TMEM184B: variants seen among roughly 807,000 people sequenced by gnomAD.
TMEM184B encodes the protein transmembrane protein 184B, also known as putative MAPK-activating protein FM08.
TMEM184B carries 17 observed loss-of-function variants against 41.8 expected under a neutral mutation model. That is an observed-to-expected ratio of 0.41 (90% confidence interval 0.28 to 0.61). TMEM184B has a LOEUF of 0.61. Among genes scored for constraint, TMEM184B ranks in the 20% least tolerant of loss-of-function variants. The pLI is 0.34. For synonymous variants in TMEM184B, 240 were observed against 229.5 expected (o/e 1.05, Z -0.41); for missense variants, 393 against 557.8 (o/e 0.70, Z 2.98).
At chr22:38,255,519 A>C (rs1402800103) in intron 1 of TMEM184B, among the ~76,000 whole-genome samples, 1 of 152,236 alleles carries the variant, frequency 6.6e-6, no homozygotes, top group Non-Finnish European at 1.5e-5. Context: ...ACAACCCAGT[A>C]ATCACTGTGG....
At chr22:38,249,955 G>A (rs1004987777) in intron 1 of TMEM184B, among the ~76,000 whole-genome samples, 3 of 152,380 alleles carry the variant, frequency 2.0e-5, no homozygotes, top group African/African-American at 7.2e-5. Context: ...ACTGAGGAAA[G>A]AGCCTGGCTG....
chr22:38,258,185 G>C (rs1337351288), intron 1 of TMEM184B, among the ~76,000 whole-genome samples: 2 of 152,190 alleles, frequency 1.3e-5, no homozygotes, highest in Non-Finnish European at 2.9e-5. Flanking sequence ...AGCTGGGCCT[G>C]AGGCAGGTGA....
Position 38,272,875 on chromosome 22 carries a change from G to A in TMEM184B, c.-59+9C>T, listed in dbSNP as rs1351964725. On this transcript the variant is annotated intron_variant, in intron 1 of 8. Transcript: ENST00000361906. ...GGGGCTCCCGGGCGAGGCCGGCCAG[G>A]CGGGATACCTCAGGAGCCCATGGCG... is the stretch of plus-strand genomic sequence containing the variant. The A allele has an allele frequency of 1.1e-6, 1 of 902,742 alleles. No individual in the cohort carries two copies. The highest frequency in any genetic ancestry group is 5.1e-5 in the South Asian group (1 of 19,606). 55.9% of individuals were successfully genotyped at this position (902,742 alleles called of 1,614,324 possible).
rs2091458329 is a variant in TMEM184B, at chr22:38,226,931, C to G, written c.526-61G>C. On this transcript the variant is annotated intron_variant, in intron 5 of 8. Transcript: ENST00000361906. This position sits in a 1 kb window ranked among gnomAD's most constrained non-coding sequence, Gnocchi z 4.6. The stretch of plus-strand genomic sequence containing the variant: ...GAGCACAGAAGGCATGAAGCAAGCC[C>G]TGCCTCTGGCAGACGGAACTGTACC... 1.3e-6 allele frequency: 2 copies of G among 1,502,660 alleles called. No individual in the cohort carries two copies. The allele number at this position is 1,502,660 out of a possible 1,614,324, so 93.1% of individuals were successfully genotyped here.
chr22:38,265,403 C>A (rs983618725), intron 1 of TMEM184B, among the ~76,000 whole-genome samples: 1 of 152,162 alleles, frequency 6.6e-6, no homozygotes, highest in Non-Finnish European at 1.5e-5. Flanking sequence ...ATCCAATACA[C>A]TGGCCTTCCC....
At chr22:38,222,576 G>A (rs765402363) in intron 8 of TMEM184B, 30 of 984,040 alleles carry the variant, frequency 3.0e-5, no homozygotes, top group African/African-American at 3.5e-5. Flanking sequence ...ACAGAGAGAC[G>A]CATGCCAGTG....
chr22:38,252,435 G>A (rs148958897), intron 1 of TMEM184B, among the ~76,000 whole-genome samples: 312 of 152,340 alleles, frequency 2.0e-3, no homozygotes, highest in African/African-American at 7.1e-3. Context: ...GGAAGATGCT[G>A]AAATCATCTT....
At chr22:38,253,235 C>T (rs996051218) in intron 1 of TMEM184B, among the ~76,000 whole-genome samples, 8 of 152,174 alleles carry the variant, frequency 5.3e-5, no homozygotes, top group African/African-American at 1.4e-4. Context: ...GCTACACATT[C>T]GAGGCTAACC....
chr22:38,271,285 G>C (rs1302191057), intron 1 of TMEM184B, among the ~76,000 whole-genome samples: 1 of 152,194 alleles, frequency 6.6e-6, no homozygotes, highest in Admixed American at 6.5e-5. Flanking sequence ...CTGGCACATA[G>C]TAGATGCTCA....
Position 38,231,255 on chromosome 22 carries a change from T to C in TMEM184B, c.438A>G (p.Gly146=). Residue 146 remains glycine (G), a synonymous_variant, in exon 4 of 9, where the codon GGA becomes GGG. Transcript: ENST00000361906. ...GESSIMSEIR[G]KPIESSCMYG... The stretch of plus-strand genomic sequence containing the variant: ...GACTCCATACTCACTCAATGGGTTT[T>C]CCTCTGATCTCCGACATGATGGAAC... The C allele has an allele frequency of 6.2e-7, 1 of 1,614,100 alleles. No individual in the cohort carries two copies.
chr22:38,246,615 TC>T (rs1020031226), intron 2 of TMEM184B: 4 of 318,758 alleles, frequency 1.3e-5, no homozygotes, highest in African/African-American at 6.6e-5. Flanking sequence ...TGGACACACT[TC>T]CTGGCCGAGT....
Position 38,219,590 on chromosome 22 carries a change from G to A in TMEM184B, c.*1879C>T, listed in dbSNP as rs1424905266. ...GGAGGAGGAGGGGATGGAGCGGTCG[G>A]GCACATGTTCCCGTCCCCACGACCC... On this transcript the variant is annotated 3_prime_UTR_variant, in exon 9 of 9. Coordinates refer to ENST00000361906, the MANE Select transcript of TMEM184B (RefSeq NM_012264.5). The A allele has an allele frequency of 5.1e-6, 5 of 985,182 alleles. No individual in the cohort carries two copies. The highest frequency in any genetic ancestry group is 6.0e-6 in the Non-Finnish European group (5 of 829,904). 61.0% of individuals were successfully genotyped at this position (985,182 alleles called of 1,614,324 possible).
intron 1 of TMEM184B, among the ~76,000 whole-genome samples, chr22:38,260,530 A>T (rs939686161): frequency 6.6e-6 from 1 of 152,074 alleles, no homozygotes; most frequent in South Asian, 2.1e-4. Context: ...GAGCCTGACC[A>T]CCTAGACCTG....
intron 1 of TMEM184B, among the ~76,000 whole-genome samples, chr22:38,269,220 G>C (rs2145794561): frequency 6.6e-6 from 1 of 152,294 alleles, no homozygotes; most frequent in East Asian, 1.9e-4. Flanking sequence ...CGTGCTCCTA[G>C]TGACCATTTC....
chr22:38,264,937 A>C (rs1211327276), intron 1 of TMEM184B, among the ~76,000 whole-genome samples: 1 of 152,252 alleles, frequency 6.6e-6, no homozygotes, highest in Non-Finnish European at 1.5e-5. Context: ...AATCATACTT[A>C]CATGCTCTGA....
At chr22:38,268,556 G>T (rs5750575) in intron 1 of TMEM184B, among the ~76,000 whole-genome samples, 2 of 151,918 alleles carry the variant, frequency 1.3e-5, no homozygotes, top group African/African-American at 2.4e-5. Flanking sequence ...ACCTCTTCCC[G>T]TTTCTGTCCT....
intron 3 of TMEM184B, among the ~76,000 whole-genome samples, chr22:38,237,548 T>C (rs2091806409): frequency 6.6e-6 from 1 of 152,236 alleles, no homozygotes; most frequent in South Asian, 2.1e-4. Flanking sequence ...TTGGAAAGAC[T>C]GGGGGCATTC....
At chr22:38,245,574 C>T (rs1286461388) in intron 3 of TMEM184B, among the ~76,000 whole-genome samples, 20 of 139,290 alleles carry the variant, frequency 1.4e-4, no homozygotes, top group Non-Finnish European at 2.3e-4. Flanking sequence ...CTGCCTGAGA[C>T]GCCAGCATTG....
chr22:38,242,507 G>A (rs1055316545), intron 3 of TMEM184B, among the ~76,000 whole-genome samples: 1 of 152,112 alleles, frequency 6.6e-6, no homozygotes, highest in African/African-American at 2.4e-5. Context: ...GCAAATGACC[G>A]TAGTGCTCAG....
Sources: gnomAD v4.1 joint callset for allele counts (sites outside exome capture counted in the v4.1 genomes callset) on GRCh38, gnomAD v4.1.1 for gene constraint, Gnocchi (gnomAD v3.1) non-coding constraint, MANE v1.5 for transcripts, NCBI Gene and HGNC (gene_info 2026-07-23, HGNC 2026-07-21) for gene names.